GRM7: variants seen among roughly 807,000 people sequenced by gnomAD.
GRM7 encodes the protein glutamate metabotropic receptor 7.
GRM7 carries 35 observed loss-of-function variants against 84.5 expected under a neutral mutation model. The ratio of observed to expected loss-of-function variants is 0.41; its 90% confidence interval spans 0.32 to 0.55. GRM7 has a LOEUF of 0.55. GRM7 is among the 20% of genes least tolerant of loss of function. GRM7 has a pLI of 0.19. For synonymous variants in GRM7, 487 were observed against 455.1 expected, an observed-to-expected ratio of 1.07 and a Z score of -0.89; for missense variants, 1,003 against 1,194.6, an observed-to-expected ratio of 0.84 and a Z score of 2.36.
intron 2 of GRM7, among the ~76,000 whole-genome samples, chr3:7,182,177 T>C (rs942935106): frequency 1.3e-5 from 2 of 152,148 alleles, no homozygotes; most frequent in African/African-American, 4.8e-5. Context: ...CAGAGAATTA[T>C]GCAGCTTATT....
intron 1 of GRM7, among the ~76,000 whole-genome samples, chr3:6,924,479 G>T (rs1189255176): frequency 6.6e-6 from 1 of 151,642 alleles, no homozygotes; most frequent in Non-Finnish European, 1.5e-5. Flanking sequence ...TGAATTTCTG[G>T]GGCTAGAGAG....
intron 1 of GRM7, among the ~76,000 whole-genome samples, chr3:7,017,451 T>C (rs1328003321): frequency 2.6e-5 from 4 of 152,040 alleles, no homozygotes; most frequent in African/African-American, 9.7e-5. Flanking sequence ...GGCAAGCGAG[T>C]CAATTTTGCT....
At chr3:7,115,606 A>T (rs577507286) in intron 1 of GRM7, among the ~76,000 whole-genome samples, 1 of 152,142 alleles carries the variant, frequency 6.6e-6, no homozygotes, top group African/African-American at 2.4e-5. Context: ...GGGCTAATCT[A>T]TTATAAATGT....
intron 2 of GRM7, among the ~76,000 whole-genome samples, chr3:7,181,537 A>G (rs556352078): frequency 1.3e-5 from 2 of 152,330 alleles, no homozygotes; most frequent in East Asian, 3.9e-4. Flanking sequence ...TTTATTAAAG[A>G]AGAAGTATCC....
intron 5 of GRM7, among the ~76,000 whole-genome samples, chr3:7,437,465 A>T (rs1338490699): frequency 6.6e-6 from 1 of 152,166 alleles, no homozygotes; most frequent in East Asian, 1.9e-4. Flanking sequence ...GCAGTCCAAG[A>T]CATCCTCACC....
intron 8 of GRM7, among the ~76,000 whole-genome samples, chr3:7,679,822 G>C (rs162803): frequency 0.94 from 142,869 of 152,282 alleles, 67,111 homozygotes; most frequent in South Asian, 0.98. Context: ...AGAGACTTCT[G>C]TAGGGCAAGC....
At chr3:6,925,971 C>G (rs1486963375) in intron 1 of GRM7, among the ~76,000 whole-genome samples, 1 of 152,106 alleles carries the variant, frequency 6.6e-6, no homozygotes, top group Admixed American at 6.5e-5. Flanking sequence ...TTTTCACTCG[C>G]TTTTGTTTTC....
At chr3:7,473,489 G>GAGAGA (rs1553603710) in intron 7 of GRM7, among the ~76,000 whole-genome samples, 2 of 126,434 alleles carry the variant, frequency 1.6e-5, no homozygotes, top group African/African-American at 3.0e-5. Context: ...AAAACGAGAG[G>GAGAGA]GAGAGAGAGA....
At chr3:7,412,033 CCTCT>C (rs148851965) in intron 4 of GRM7, among the ~76,000 whole-genome samples, 5 of 149,582 alleles carry the variant, frequency 3.3e-5, no homozygotes, top group Admixed American at 6.7e-5. Context: ...TCTCCTCTCT[CCTCT>C]CTCTCTCTCT....
chr3:7,080,822 T>C (rs1301325921), intron 1 of GRM7, among the ~76,000 whole-genome samples: 1 of 152,026 alleles, frequency 6.6e-6, no homozygotes, highest in East Asian at 1.9e-4. Flanking sequence ...ATAAGGACTT[T>C]TTAAAAAAAT....
intron 7 of GRM7, among the ~76,000 whole-genome samples, chr3:7,479,299 G>A (rs112638316): frequency 1.3e-5 from 2 of 151,896 alleles, no homozygotes; most frequent in Admixed American, 6.6e-5. Flanking sequence ...AGGAAGCTTC[G>A]GTACTCATCT....
At chr3:7,182,897 T>C (rs1353875324) in intron 2 of GRM7, among the ~76,000 whole-genome samples, 1 of 43,870 alleles carries the variant, frequency 2.3e-5, no homozygotes, top group Admixed American at 1.6e-4. Flanking sequence ...CGTGAAAGTG[T>C]TTTTTTTTTT....
rs1192358015 is a variant in GRM7 at position 6,982,003 on chromosome 3, C to T, written c.519+120096C>T. Among the ~76,000 whole-genome samples, 4 of 152,078 alleles carry T rather than the reference C, an allele frequency of 2.6e-5. No individual in the cohort carries two copies. The East Asian group carries it at 7.7e-4, about 29-fold the overall frequency. On this transcript the variant is annotated intron_variant, in intron 1 of 9. Coordinates refer to ENST00000357716, the MANE Select transcript of GRM7 (RefSeq NM_000844.4). ...AAAAACACACATGCACTCGTATGCCCATCCCAGCACTATTCACAATAGCAG... is the reference window on the plus strand; with the variant it reads ...AAAAACACACATGCACTCGTATGCCTATCCCAGCACTATTCACAATAGCAG...
intron 1 of GRM7, 21 bp from the exon 2 acceptor site, chr3:7,146,428 CGTG>C: frequency 6.4e-7 from 1 of 1,555,764 alleles, no homozygotes; most frequent in Non-Finnish European, 8.9e-7. Flanking sequence ...TGCACTCTCA[CGTG>C]GTGCTTTCTT....
intron 1 of GRM7, among the ~76,000 whole-genome samples, chr3:7,015,139 C>A (rs1334621808): frequency 6.6e-6 from 1 of 152,010 alleles, no homozygotes; most frequent in African/African-American, 2.4e-5. Context: ...CACCCCACCC[C>A]CCCATAAGCC....
At chr3:7,668,905 A>G (rs1473696820) in intron 8 of GRM7, among the ~76,000 whole-genome samples, 1 of 152,236 alleles carries the variant, frequency 6.6e-6, no homozygotes, top group Non-Finnish European at 1.5e-5. Flanking sequence ...TGATTTCATT[A>G]CTTCTAGATG....
intron 2 of GRM7, among the ~76,000 whole-genome samples, chr3:7,198,352 G>T (rs1323638692): frequency 6.6e-6 from 1 of 152,104 alleles, no homozygotes. Context: ...TATAGTGATA[G>T]AATTCAGTGT....
chr3:7,532,144 AG>A lies in GRM7; in HGVS notation c.1516-46275del, dbSNP rs1425383846. On this transcript the variant is annotated intron_variant, in intron 7 of 9. Coordinates refer to ENST00000357716, the MANE Select transcript of GRM7 (RefSeq NM_000844.4). The stretch of plus-strand genomic sequence containing the variant: ...TGATACTGGCCTCATAAAATGAGTT[AG>A]GGAGGAGTCCCTCTTTTTCTGTTGT... Among the ~76,000 whole-genome samples the A allele has an allele frequency of 2.0e-5, 3 of 152,148 alleles. No homozygotes were observed. In the East Asian group the frequency reaches 5.8e-4, roughly 29 times the overall value.
At chr3:7,715,554 C>T (rs1701745251) in intron 9 of GRM7, among the ~76,000 whole-genome samples, 1 of 152,180 alleles carries the variant, frequency 6.6e-6, no homozygotes, top group African/African-American at 2.4e-5. Flanking sequence ...TAAATGTCTA[C>T]TAAGTGTCTG....
Sources: gnomAD v4.1 joint callset for allele counts (sites outside exome capture counted in the v4.1 genomes callset) on GRCh38, gnomAD v4.1.1 for gene constraint, MANE v1.5 for transcripts, NCBI Gene and HGNC (gene_info 2026-07-23, HGNC 2026-07-21) for gene names.